The following PPP2R5E variants were observed in gnomAD, a reference collection of about 807,000 sequenced individuals.
PPP2R5E encodes protein phosphatase 2 regulatory subunit B'epsilon.
A neutral mutation model predicts 65.3 loss-of-function variants in PPP2R5E; 4 were observed. The ratio of observed to expected loss-of-function variants is 0.06; its 90% CI spans 0.03 to 0.14. The LOEUF (loss-of-function observed/expected upper bound fraction) is 0.14, where lower values mean the gene tolerates loss of function less well. Among genes scored for constraint, PPP2R5E ranks in the 10% least tolerant of loss-of-function variants. The pLI, the probability that PPP2R5E is intolerant of heterozygous loss-of-function variation, is 1.00. For missense variants in PPP2R5E, 274 were observed against 556.1 expected (o/e 0.49, Z 5.10); for synonymous variants, 183 against 187.4 (o/e 0.98, Z 0.19).
intron 2 of PPP2R5E, among the ~76,000 whole-genome samples, chr14:63,462,322 G>A (rs537295475): frequency 6.6e-6 from 1 of 152,112 alleles, no homozygotes; most frequent in Middle Eastern, 3.4e-3. Flanking sequence ...CGCCCACCTC[G>A]GCCTCCCAAA....
intron 2 of PPP2R5E, among the ~76,000 whole-genome samples, chr14:63,507,574 T>C (rs1469526726): frequency 7.0e-6 from 1 of 143,010 alleles, no homozygotes; most frequent in Non-Finnish European, 1.5e-5. Context: ...AGGGTAATTC[T>C]CTTTTTTTTT....
chr14:63,400,540 G>A (rs182759516), intron 5 of PPP2R5E, among the ~76,000 whole-genome samples: 6 of 152,144 alleles, frequency 3.9e-5, no homozygotes, highest in African/African-American at 4.8e-5. Context: ...AAATACATAC[G>A]TACTGAGTTC....
intron 2 of PPP2R5E, among the ~76,000 whole-genome samples, chr14:63,481,230 C>T (rs1408222646): frequency 6.6e-6 from 1 of 152,120 alleles, no homozygotes; most frequent in African/African-American, 2.4e-5. Flanking sequence ...GGTGTGGTGG[C>T]TCACACCTGT....
chr14:63,423,126 G>T (rs972668401), intron 3 of PPP2R5E, among the ~76,000 whole-genome samples: 2 of 152,064 alleles, frequency 1.3e-5, no homozygotes, highest in East Asian at 3.9e-4. Flanking sequence ...ACGGAGTCTC[G>T]CTCTGTCACC....
chr14:63,404,071 G>A (rs1047165738), intron 5 of PPP2R5E, among the ~76,000 whole-genome samples: 1 of 152,170 alleles, frequency 6.6e-6, no homozygotes, highest in African/African-American at 2.4e-5. Flanking sequence ...CTTAAGTGTG[G>A]TTACTTCTAG....
chr14:63,412,294 G>A (rs1165233336), intron 5 of PPP2R5E, among the ~76,000 whole-genome samples: 2 of 152,178 alleles, frequency 1.3e-5, no homozygotes, highest in Non-Finnish European at 2.9e-5. Context: ...GAAAAGAAGA[G>A]AAACATGCAG....
At chr14:63,384,684 T>C (rs1884557845) in intron 11 of PPP2R5E, 113 bp from the exon 12 acceptor site, 2 of 835,152 alleles carry the variant, frequency 2.4e-6, no homozygotes, top group Non-Finnish European at 3.6e-6. Flanking sequence ...AATCATTCAA[T>C]TAGAGGTAAA....
At chr14:63,516,672 G>C (rs747445814) in intron 2 of PPP2R5E, among the ~76,000 whole-genome samples, 2 of 152,172 alleles carry the variant, frequency 1.3e-5, no homozygotes, top group Admixed American at 6.6e-5. Context: ...TCACAGGCAA[G>C]ATACCAAGAT....
Position 63,393,947 on chromosome 14 carries a change from C to T in PPP2R5E, c.741-19G>A. 7.2e-7 allele frequency: 1 copy of T among 1,396,366 alleles called. No individual in the cohort carries two copies. Among genetic ancestry groups the T allele is most frequent in the Non-Finnish European group, 1.0e-6 (1 of 984,702 alleles). The allele number at this position is 1,396,366 out of a possible 1,614,324, so 86.5% of individuals were successfully genotyped here. A position where few individuals can be genotyped will look rare whatever the true frequency, so the allele number is the denominator to read the frequency against. On this transcript the variant is annotated intron_variant, in intron 7 of 13. Transcript: ENST00000337537. ...GATAATACTAGGGAGAAAAAAGAGA[C>T]ACAAATTAGCAATGTTACCACAAGT... is the stretch of plus-strand genomic sequence containing the variant.
At position 63,387,065 on chromosome 14, in the gene PPP2R5E, G is replaced by A. The variant is rs1052007480; in HGVS notation, c.1075-2494C>T. On this transcript the variant is annotated intron_variant, in intron 11 of 13. Transcript: ENST00000337537. Reference sequence around the variant, plus strand: ...GCATGGACGAGGACAATGTGTTTGGGAATCATCAAAGCAAATGACGTAACT... The same window carrying A: ...GCATGGACGAGGACAATGTGTTTGGAAATCATCAAAGCAAATGACGTAACT... 7.2e-5 allele frequency among the ~76,000 whole-genome samples: 11 copies of A among 152,138 alleles called. No individual in the cohort carries two copies. The East Asian group carries it at 2.1e-3, about 29-fold the overall frequency.
intron 2 of PPP2R5E, among the ~76,000 whole-genome samples, chr14:63,514,431 G>A (rs1266926484): frequency 6.6e-6 from 1 of 151,308 alleles, no homozygotes; most frequent in Non-Finnish European, 1.5e-5. Flanking sequence ...ACCAGAGCAA[G>A]CCATAATCAT....
At chr14:63,500,703 A>G (rs954965388) in intron 2 of PPP2R5E, among the ~76,000 whole-genome samples, 1 of 152,062 alleles carries the variant, frequency 6.6e-6, no homozygotes, top group Non-Finnish European at 1.5e-5. Flanking sequence ...CCGTCTCTAC[A>G]AGAAAATTTT....
chr14:63,522,593 GC>G (rs1892974051), intron 2 of PPP2R5E, among the ~76,000 whole-genome samples: 1 of 142,660 alleles, frequency 7.0e-6, no homozygotes, highest in South Asian at 2.2e-4. Context: ...CCTCTGCCCC[GC>G]CGCCCCGTCT....
intron 2 of PPP2R5E, among the ~76,000 whole-genome samples, chr14:63,514,655 C>G (rs1286277089): frequency 6.6e-6 from 1 of 152,132 alleles, no homozygotes; most frequent in African/African-American, 2.4e-5. Flanking sequence ...GGGTTTCCCT[C>G]AGCAGGTACT....
chr14:63,520,900 A>T (rs1051985233), intron 2 of PPP2R5E, among the ~76,000 whole-genome samples: 5 of 145,464 alleles, frequency 3.4e-5, no homozygotes, highest in Admixed American at 6.9e-5. Flanking sequence ...TTAGCCGGGC[A>T]TGGTAGCAGG....
chr14:63,371,527 C>T lies in PPP2R5E; in HGVS notation c.*4482G>A, dbSNP rs1434174193. ...TTCCAAAGAAAAACATTTTAAATTC[C>T]AAGTGTTTAAGACTCAGCTTGTATT... On this transcript the variant is annotated 3_prime_UTR_variant, in exon 14 of 14. Transcript: ENST00000337537. 3 of 152,242 alleles carry T rather than the reference C, an allele frequency of 2.0e-5. No homozygotes were observed. The highest frequency in any genetic ancestry group is 4.4e-5 in the Non-Finnish European group (3 of 68,010). The allele number at this position is 152,242 out of a possible 1,614,324, so 9.4% of individuals were successfully genotyped here.
intron 2 of PPP2R5E, among the ~76,000 whole-genome samples, chr14:63,464,132 C>T (rs757736027): frequency 2.0e-4 from 30 of 152,096 alleles, no homozygotes; most frequent in Admixed American, 5.2e-4. Context: ...TTCACTGATC[C>T]GCCAAATATT....
chr14:63,435,321 T>C (rs1044741085), intron 3 of PPP2R5E, among the ~76,000 whole-genome samples: 2 of 152,142 alleles, frequency 1.3e-5, no homozygotes, highest in Non-Finnish European at 2.9e-5. Flanking sequence ...TGGGTAATGA[T>C]TGAATTTAAA....
rs183347702 is a variant in PPP2R5E, at chr14:63,520,929, C to T, written c.157+18600G>A. Among the ~76,000 whole-genome samples the T allele has an allele frequency of 2.0e-5, 3 of 148,330 alleles. No individual in the cohort carries two copies. The Admixed American group carries it at 2.0e-4, about 10-fold the overall frequency. ...TAGCAGGTGCCTGTGGTTCCAGCTG[C>T]TTGGGAGGCTGAGACAGGAGAATGG... On this transcript the variant is annotated intron_variant, in intron 2 of 13. Transcript: ENST00000337537.
Sources: allele counts gnomAD v4.1 joint callset (sites outside exome capture counted in the v4.1 genomes callset), GRCh38; gene constraint gnomAD v4.1.1; transcripts MANE v1.5; gene names NCBI Gene and HGNC (gene_info 2026-07-23, HGNC 2026-07-21).